GRM5: variants seen among roughly 807,000 people sequenced by gnomAD.
The protein encoded by GRM5 is metabotropic glutamate receptor 5.
Under a neutral mutation model 83.1 loss-of-function variants are expected in GRM5, and 19 were observed. That is an observed-to-expected ratio of 0.23 (90% CI 0.16 to 0.34). The LOEUF (loss-of-function observed/expected upper bound fraction) is 0.34. GRM5 is among the 10% of genes least tolerant of loss of function. GRM5 has a pLI of 1.00. For missense variants in GRM5, 1,160 were observed against 1,588.3 expected (o/e 0.73, Z 4.58); for synonymous variants, 675 against 633.6 (o/e 1.07, Z -0.98).
Position 88,508,963 on chromosome 11 carries a change from C to G in GRM5, c.3268G>C (p.Gly1090Arg). 1.9e-6 allele frequency: 3 copies of G among 1,590,356 alleles called. No homozygotes were observed. The highest frequency in any genetic ancestry group is 2.6e-6 in the Non-Finnish European group (3 of 1,168,540). The change falls in exon 10 of 10, where the codon GGC becomes CGC. Residue 1090 changes from glycine (G) to arginine (R), a missense_variant. Coordinates refer to ENST00000305447, the MANE Select transcript of GRM5 (RefSeq NM_001143831.3). This position sits in a 1 kb window ranked among gnomAD's most constrained non-coding sequence, Gnocchi z 4.2. ...AGGTAGGACGAGCAGAGCGGGGCGC[C>G]GACGCCGGGGCTGGGGGCCGCGGTG... Reference protein sequence around the residue: ...LSTAAPSPGVGAPLCSSYLIP... With the variant: ...LSTAAPSPGVRAPLCSSYLIP...
At chr11:88,677,553 C>T (rs12417731) in intron 3 of GRM5, among the ~76,000 whole-genome samples, 2,718 of 152,180 alleles carry the variant, frequency 0.018, 64 homozygotes, top group East Asian at 0.095. Flanking sequence ...GAAGTTGAAA[C>T]ATGGAGAATT....
intron 3 of GRM5, among the ~76,000 whole-genome samples, chr11:88,689,060 G>C (rs1043422610): frequency 1.4e-4 from 21 of 150,106 alleles, no homozygotes; most frequent in African/African-American, 5.3e-4. Flanking sequence ...ACAGTACCTG[G>C]GAACTTGATA....
chr11:88,720,886 A>AT (rs1941521586), intron 3 of GRM5, among the ~76,000 whole-genome samples: 1 of 150,526 alleles, frequency 6.6e-6, no homozygotes, highest in Non-Finnish European at 1.5e-5. Context: ...ACCAGTCTCT[A>AT]TCAAGAGCAA....
chr11:88,801,082 C>A (rs1943384689), intron 3 of GRM5, among the ~76,000 whole-genome samples: 1 of 151,968 alleles, frequency 6.6e-6, no homozygotes, highest in African/African-American at 2.4e-5. Flanking sequence ...GTAATGACAG[C>A]CCAGAGGCAT....
intron 2 of GRM5, among the ~76,000 whole-genome samples, chr11:88,852,801 A>G (rs1944409150): frequency 6.6e-6 from 1 of 152,102 alleles, no homozygotes; most frequent in Non-Finnish European, 1.5e-5. Flanking sequence ...CAAAGAGAAT[A>G]TGTCTTCCAA....
chr11:89,063,595 C>T (rs1490958603), intron 1 of GRM5: 1 of 152,316 alleles, frequency 6.6e-6, no homozygotes, highest in Admixed American at 6.5e-5. Context: ...GCTTCCCCCC[C>T]AAGATGATCT....
intron 2 of GRM5, among the ~76,000 whole-genome samples, chr11:89,045,882 C>T (rs1314657612): frequency 6.6e-6 from 1 of 152,138 alleles, no homozygotes. Context: ...TGCTAATTTT[C>T]ACCAATTGTC....
At chr11:88,627,669 G>T (rs184321258) in intron 4 of GRM5, among the ~76,000 whole-genome samples, 5 of 152,104 alleles carry the variant, frequency 3.3e-5, no homozygotes, top group East Asian at 1.9e-4. Context: ...ACCTAAAATT[G>T]AATCTTTTAA....
intron 3 of GRM5, among the ~76,000 whole-genome samples, chr11:88,746,994 T>C (rs1942159105): frequency 6.6e-6 from 1 of 152,206 alleles, no homozygotes; most frequent in Non-Finnish European, 1.5e-5. Context: ...ATATTATTTT[T>C]TACTTTGAAA....
intron 7 of GRM5, among the ~76,000 whole-genome samples, chr11:88,582,207 G>A (rs544954694): frequency 6.6e-5 from 10 of 152,310 alleles, no homozygotes; most frequent in African/African-American, 2.2e-4. Context: ...AGTGGGGCTC[G>A]ATCACCATTG....
At chr11:88,999,253 T>C (rs1940290879) in intron 2 of GRM5, among the ~76,000 whole-genome samples, 1 of 152,110 alleles carries the variant, frequency 6.6e-6, no homozygotes, top group Non-Finnish European at 1.5e-5. Flanking sequence ...CTAATTAAAC[T>C]AAAGAGCTTC....
At chr11:88,974,389 A>G (rs953189592) in intron 2 of GRM5, among the ~76,000 whole-genome samples, 2 of 151,176 alleles carry the variant, frequency 1.3e-5, no homozygotes, top group African/African-American at 4.9e-5. Context: ...AGATAGATAG[A>G]TAGATAGATA....
intron 2 of GRM5, among the ~76,000 whole-genome samples, chr11:88,991,888 T>C (rs1939989436): frequency 2.6e-5 from 4 of 152,046 alleles, no homozygotes; most frequent in Admixed American, 2.6e-4. Flanking sequence ...ACTTAAACGT[T>C]AGACCTAAAA....
At chr11:88,581,072 C>T (rs1943205777) in intron 7 of GRM5, among the ~76,000 whole-genome samples, 1 of 152,078 alleles carries the variant, frequency 6.6e-6, no homozygotes, top group South Asian at 2.1e-4. Flanking sequence ...AGTGATGTGC[C>T]ACTGCACTCC....
At chr11:88,553,872 GT>G (rs1942565330) in intron 8 of GRM5, among the ~76,000 whole-genome samples, 1 of 152,126 alleles carries the variant, frequency 6.6e-6, no homozygotes, top group Non-Finnish European at 1.5e-5. Flanking sequence ...CCTCACAGGA[GT>G]TTTGGGTAGG....
intron 8 of GRM5, among the ~76,000 whole-genome samples, chr11:88,530,071 T>C (rs1941973267): frequency 6.6e-6 from 1 of 151,960 alleles, no homozygotes; most frequent in Non-Finnish European, 1.5e-5. Context: ...GCAAATACAA[T>C]GAGAATGGTT....
intron 3 of GRM5, among the ~76,000 whole-genome samples, chr11:88,733,457 G>C (rs1317025758): frequency 6.6e-6 from 1 of 151,968 alleles, no homozygotes; most frequent in African/African-American, 2.4e-5. Flanking sequence ...GTGAGGGATG[G>C]AACCCACGTT....
At chr11:88,949,807 T>A (rs1232437197) in intron 2 of GRM5, among the ~76,000 whole-genome samples, 1 of 152,146 alleles carries the variant, frequency 6.6e-6, no homozygotes, top group Non-Finnish European at 1.5e-5. Context: ...AAGAATACAA[T>A]CATTAGAAAC....
intron 2 of GRM5, among the ~76,000 whole-genome samples, chr11:88,933,625 C>T (rs563645502): frequency 1.1e-4 from 17 of 151,868 alleles, no homozygotes; most frequent in East Asian, 7.8e-4. Flanking sequence ...TCGTTTGAGT[C>T]GTAAATCAAT....
Sources: gnomAD v4.1 joint callset for allele counts (sites outside exome capture counted in the v4.1 genomes callset) on GRCh38, gnomAD v4.1.1 for gene constraint, Gnocchi (gnomAD v3.1) non-coding constraint, MANE v1.5 for transcripts, NCBI Gene and HGNC (gene_info 2026-07-23, HGNC 2026-07-21) for gene names.